The following KCNT2 variants were observed in gnomAD, a reference collection of about 807,000 sequenced individuals.
The protein encoded by KCNT2 is potassium channel subfamily T member 2.
In KCNT2, 67 loss-of-function variants were observed where a neutral mutation model predicts 153.8. That is an observed-to-expected ratio of 0.44 (90% confidence interval 0.36 to 0.53). The LOEUF (loss-of-function observed/expected upper bound fraction) is 0.53, where lower values mean the gene tolerates loss of function less well. KCNT2 is among the 20% of genes least tolerant of loss of function. The pLI is 0.00. For missense variants in KCNT2, 975 were observed against 1,354.8 expected, an observed-to-expected ratio of 0.72 and a Z score of 4.40; for synonymous variants, 500 against 458.8, an observed-to-expected ratio of 1.09 and a Z score of -1.15.
chr1:196,419,397 T>C (rs1673015706), intron 12 of KCNT2, among the ~76,000 whole-genome samples: 2 of 139,384 alleles, frequency 1.4e-5, no homozygotes, highest in Non-Finnish European at 1.5e-5. Flanking sequence ...TGTGTTCTCA[T>C]TGCTCAATTC....
chr1:196,430,206 T>C (rs1674016143), intron 8 of KCNT2, among the ~76,000 whole-genome samples: 1 of 152,008 alleles, frequency 6.6e-6, no homozygotes, highest in African/African-American at 2.4e-5. Context: ...AGTTAACAAT[T>C]GCCAAATGCT....
rs1657908863 is a variant in KCNT2, at chr1:196,269,915, G to A, written c.2910+10945C>T. Among the ~76,000 whole-genome samples, 3 of 151,964 alleles carry A rather than the reference G, an allele frequency of 2.0e-5. No homozygotes were observed. In the South Asian group the frequency reaches 6.2e-4, roughly 31 times the overall value. On this transcript the variant is annotated intron_variant, in intron 25 of 27. Coordinates refer to ENST00000294725, the MANE Select transcript of KCNT2 (RefSeq NM_198503.5). The stretch of plus-strand genomic sequence containing the variant: ...ACGTACTCATAACTTTTGAGTTGTG[G>A]TGTTCAGAAATTTATTTTAAATACT...
chr1:196,468,632 T>C (rs1354201620), intron 6 of KCNT2, among the ~76,000 whole-genome samples: 1 of 152,048 alleles, frequency 6.6e-6, no homozygotes, highest in African/African-American at 2.4e-5. Context: ...TTTCAACGTA[T>C]GAAAAACTTT....
intron 22 of KCNT2, among the ~76,000 whole-genome samples, chr1:196,289,429 T>G (rs747914446): frequency 3.9e-5 from 6 of 152,146 alleles, no homozygotes; most frequent in Non-Finnish European, 7.4e-5. Flanking sequence ...TTTCTGTTAC[T>G]TACACAATGC....
At chr1:196,339,703 C>T (rs1665422625) in intron 16 of KCNT2, among the ~76,000 whole-genome samples, 2 of 152,136 alleles carry the variant, frequency 1.3e-5, no homozygotes, top group African/African-American at 4.8e-5. Flanking sequence ...TTAAAAATGA[C>T]ACATTTTCCT....
chr1:196,419,438 G>GT (rs1261249376), intron 12 of KCNT2, among the ~76,000 whole-genome samples: 2 of 147,738 alleles, frequency 1.4e-5, no homozygotes, highest in African/African-American at 5.0e-5. Context: ...GCGGTGTTTG[G>GT]TTTTTTGTCC....
intron 14 of KCNT2, among the ~76,000 whole-genome samples, chr1:196,369,479 C>A: frequency 6.6e-6 from 1 of 151,702 alleles, no homozygotes; most frequent in Non-Finnish European, 1.5e-5. Context: ...TCCCTCCTCC[C>A]CCCACCCCAC....
intron 26 of KCNT2, among the ~76,000 whole-genome samples, chr1:196,242,574 T>G (rs1456124663): frequency 6.6e-6 from 1 of 152,144 alleles, no homozygotes; most frequent in East Asian, 1.9e-4. Flanking sequence ...TACAGAACAT[T>G]TTTATGATCA....
At chr1:196,434,509 C>A (rs571319157) in intron 8 of KCNT2, among the ~76,000 whole-genome samples, 5 of 151,926 alleles carry the variant, frequency 3.3e-5, no homozygotes, top group South Asian at 2.1e-4. Flanking sequence ...TATTCATATT[C>A]TTTAAACACA....
intron 3 of KCNT2, among the ~76,000 whole-genome samples, chr1:196,483,706 C>A (rs1679195024): frequency 6.6e-6 from 1 of 152,108 alleles, no homozygotes; most frequent in Non-Finnish European, 1.5e-5. Context: ...GGCCACGTCA[C>A]CCATCACACC....
chr1:196,279,547 C>T (rs1019602149), intron 25 of KCNT2, among the ~76,000 whole-genome samples: 14 of 151,746 alleles, frequency 9.2e-5, no homozygotes, highest in African/African-American at 3.1e-4. Flanking sequence ...CTCAGCCTCC[C>T]GAGTAGCTGG....
At chr1:196,297,057 T>C (rs1040852097) in intron 22 of KCNT2, among the ~76,000 whole-genome samples, 1 of 152,076 alleles carries the variant, frequency 6.6e-6, no homozygotes, top group African/African-American at 2.4e-5. Flanking sequence ...TTGTGACTTA[T>C]AAGCATTTTT....
chr1:196,315,879 T>C lies in KCNT2; in HGVS notation c.2483+13A>G. Reference sequence around the variant, plus strand: ...CAAAGTAAGTGGCAAGGTTGGATGATTCAGCCACTTACCTGAAGAGTGTCT... The same window carrying C: ...CAAAGTAAGTGGCAAGGTTGGATGACTCAGCCACTTACCTGAAGAGTGTCT... On this transcript the variant is annotated intron_variant, in intron 21 of 27. Transcript: ENST00000294725. The C allele has an allele frequency of 6.3e-7, 1 of 1,597,698 alleles. No individual in the cohort carries two copies. Among genetic ancestry groups the C allele is most frequent in the Non-Finnish European group, 8.5e-7 (1 of 1,171,374 alleles).
At chr1:196,322,182 T>C (rs1663387993) in intron 19 of KCNT2, among the ~76,000 whole-genome samples, 1 of 151,864 alleles carries the variant, frequency 6.6e-6, no homozygotes, top group Non-Finnish European at 1.5e-5. Flanking sequence ...CTTATTTACG[T>C]TGGGAATTAC....
intron 25 of KCNT2, among the ~76,000 whole-genome samples, chr1:196,277,847 TA>T (rs1194020108): frequency 1.3e-5 from 2 of 152,054 alleles, no homozygotes; most frequent in African/African-American, 2.4e-5. Flanking sequence ...TATATAATCT[TA>T]AAAAAATAAT....
intron 1 of KCNT2, among the ~76,000 whole-genome samples, chr1:196,544,295 G>C (rs1246683776): frequency 1.3e-5 from 2 of 151,792 alleles, no homozygotes; most frequent in Non-Finnish European, 2.9e-5. Context: ...TTTGTAAAAA[G>C]AAATATATAT....
chr1:196,295,803 G>T (rs1047411614), intron 22 of KCNT2, among the ~76,000 whole-genome samples: 2 of 152,074 alleles, frequency 1.3e-5, no homozygotes, highest in South Asian at 4.1e-4. Context: ...TTAGTTTTAA[G>T]TTAGGAAGGC....
At chr1:196,458,014 C>T (rs1415050042) in intron 8 of KCNT2, among the ~76,000 whole-genome samples, 1 of 151,842 alleles carries the variant, frequency 6.6e-6, no homozygotes, top group Non-Finnish European at 1.5e-5. Context: ...ACGCACGAGA[C>T]TAAAAACATC....
At position 196,446,353 on chromosome 1, in the gene KCNT2, A is replaced by T. The variant is rs555417084; in HGVS notation, c.639-16596T>A. ...TCTAATTGTCTTTATCTTCATTCTT[A>T]GCAATTATCAATGTCATAGAATAAC... is the stretch of plus-strand genomic sequence containing the variant. On this transcript the variant is annotated intron_variant, in intron 8 of 27. Coordinates refer to ENST00000294725, the MANE Select transcript of KCNT2 (RefSeq NM_198503.5). 4.0e-5 allele frequency among the ~76,000 whole-genome samples: 6 copies of T among 151,646 alleles called. No homozygotes were observed. The East Asian group carries it at 9.8e-4, about 25-fold the overall frequency.
Sources: gnomAD v4.1 joint callset for allele counts (sites outside exome capture counted in the v4.1 genomes callset) on GRCh38, gnomAD v4.1.1 for gene constraint, MANE v1.5 for transcripts, NCBI Gene and HGNC (gene_info 2026-07-23, HGNC 2026-07-21) for gene names.